The following GALNTL6 variants were observed in gnomAD, a reference collection of about 807,000 sequenced individuals.
The protein encoded by GALNTL6 is polypeptide N-acetylgalactosaminyltransferase-like 6.
GALNTL6 carries 46 observed loss-of-function variants against 73.7 expected under a neutral mutation model. That is an observed-to-expected ratio of 0.62 (90% CI 0.49 to 0.80). The LOEUF (loss-of-function observed/expected upper bound fraction) is 0.80, where lower values mean the gene tolerates loss of function less well. Among genes scored for constraint, GALNTL6 ranks in the 30% least tolerant of loss-of-function variants. GALNTL6 has a pLI of 0.00. For synonymous variants in GALNTL6, 259 were observed against 263.7 expected, an observed-to-expected ratio of 0.98 and a Z score of 0.17; for missense variants, 604 against 755.0, an observed-to-expected ratio of 0.80 and a Z score of 2.34.
At chr4:172,224,900 T>A (rs1736800226) in intron 2 of GALNTL6, among the ~76,000 whole-genome samples, 1 of 152,154 alleles carries the variant, frequency 6.6e-6, no homozygotes, top group African/African-American at 2.4e-5. Context: ...GGCTCTGGGA[T>A]CCCAGCCCTC....
At chr4:172,873,780 A>G (rs1745059005) in intron 7 of GALNTL6, among the ~76,000 whole-genome samples, 1 of 152,180 alleles carries the variant, frequency 6.6e-6, no homozygotes, top group Non-Finnish European at 1.5e-5. Flanking sequence ...TTTTTAAGAA[A>G]TTAAGGTCAT....
At chr4:171,996,528 A>C (rs935910920) in intron 2 of GALNTL6, among the ~76,000 whole-genome samples, 30 of 152,164 alleles carry the variant, frequency 2.0e-4, no homozygotes, top group African/African-American at 7.2e-4. Context: ...AATTAAAAGC[A>C]AGACTGTGCG....
rs149267256 is a variant in GALNTL6, at chr4:172,520,271, T to C, written c.553+171582T>C. On this transcript the variant is annotated intron_variant, in intron 5 of 12. Transcript: ENST00000506823. ...TCTATTGTTCATTATAGGGCTCTGC[T>C]GCATTCTTAGTAGCACTGTGTCTTA... Among the ~76,000 whole-genome samples the C allele has an allele frequency of 3.4e-3, 517 of 152,090 alleles. 1 individual carries two copies. Among genetic ancestry groups the C allele is most frequent in the Middle Eastern group, 6.8e-3 (2 of 294 alleles).
chr4:172,770,382 T>C (rs1294959931), intron 5 of GALNTL6, among the ~76,000 whole-genome samples: 1 of 152,076 alleles, frequency 6.6e-6, no homozygotes, highest in Non-Finnish European at 1.5e-5. Flanking sequence ...CTCTTATTCT[T>C]TTACTGTGAA....
chr4:171,835,568 G>C (rs529984082), intron 2 of GALNTL6, among the ~76,000 whole-genome samples: 18 of 152,068 alleles, frequency 1.2e-4, no homozygotes, highest in African/African-American at 4.3e-4. Context: ...AATATTTATA[G>C]TGGTCGAGAT....
chr4:172,829,855 T>C (rs999230616), intron 7 of GALNTL6, among the ~76,000 whole-genome samples: 1 of 152,178 alleles, frequency 6.6e-6, no homozygotes, highest in African/African-American at 2.4e-5. Context: ...CTAGAAGATA[T>C]GGATAATTTT....
chr4:172,207,947 A>G (rs897673198), intron 2 of GALNTL6, among the ~76,000 whole-genome samples: 3 of 152,262 alleles, frequency 2.0e-5, no homozygotes, highest in Middle Eastern at 6.8e-3. Flanking sequence ...CCTGTACTCC[A>G]TGTTTGTTAA....
chr4:172,295,932 A>G (rs905866041), intron 3 of GALNTL6, among the ~76,000 whole-genome samples: 3 of 152,084 alleles, frequency 2.0e-5, no homozygotes, highest in Admixed American at 6.6e-5. Context: ...TTTCTTTACT[A>G]TATACATATA....
intron 4 of GALNTL6, among the ~76,000 whole-genome samples, chr4:172,318,850 G>A (rs907506728): frequency 6.6e-6 from 1 of 152,020 alleles, no homozygotes; most frequent in Non-Finnish European, 1.5e-5. Context: ...AACTATGGCT[G>A]CTTCAAAATC....
At chr4:172,854,529 T>C (rs776721036) in intron 7 of GALNTL6, among the ~76,000 whole-genome samples, 49 of 152,146 alleles carry the variant, frequency 3.2e-4, no homozygotes, top group Non-Finnish European at 5.0e-4. Context: ...TGCTGTATGC[T>C]CTCCTGACAG....
chr4:172,538,517 C>A (rs1276271134), intron 5 of GALNTL6, among the ~76,000 whole-genome samples: 1 of 151,874 alleles, frequency 6.6e-6, no homozygotes. Context: ...TGAGAAGAGG[C>A]CACTTTCCCT....
intron 2 of GALNTL6, among the ~76,000 whole-genome samples, chr4:172,110,354 T>C (rs1429853416): frequency 6.6e-6 from 1 of 152,186 alleles, no homozygotes; most frequent in African/African-American, 2.4e-5. Context: ...GCCATCAGTA[T>C]AGCTATCATT....
chr4:172,062,446 G>C (rs969482361), intron 2 of GALNTL6, among the ~76,000 whole-genome samples: 9 of 152,056 alleles, frequency 5.9e-5, no homozygotes, highest in Non-Finnish European at 1.0e-4. Context: ...TAAGACTGCT[G>C]TTTCTTACTG....
intron 10 of GALNTL6, among the ~76,000 whole-genome samples, chr4:172,960,533 G>C (rs928169067): frequency 6.6e-6 from 1 of 152,118 alleles, no homozygotes; most frequent in Admixed American, 6.5e-5. Context: ...ACTCAGCGAC[G>C]CTTGGGGTTG....
chr4:172,379,878 T>G (rs1303409253), intron 5 of GALNTL6: 1 of 485,798 alleles, frequency 2.1e-6, no homozygotes, highest in Non-Finnish European at 3.8e-6. Context: ...AAACATAGAT[T>G]TGCTAATGTG....
rs79639885 is a variant in GALNTL6, at chr4:172,551,636, C to G, written c.553+202947C>G. On this transcript the variant is annotated intron_variant, in intron 5 of 12. Coordinates refer to ENST00000506823, the MANE Select transcript of GALNTL6 (RefSeq NM_001034845.3). ...CCATCTTTATCAATGTTTGTGGACA[C>G]TCCATAGGATACAGCAACAACCTCA... is the stretch of plus-strand genomic sequence containing the variant. Among the ~76,000 whole-genome samples, 268 of 152,220 alleles carry G rather than the reference C, an allele frequency of 1.8e-3. 1 individual carries two copies. The highest frequency in any genetic ancestry group is 5.7e-3 in the African/African-American group (235 of 41,552).
intron 5 of GALNTL6, among the ~76,000 whole-genome samples, chr4:172,644,746 G>C (rs895255139): frequency 4.6e-5 from 7 of 151,856 alleles, no homozygotes; most frequent in Non-Finnish European, 8.8e-5. Context: ...AACAAAAAGG[G>C]GGTGGGTGAT....
chr4:172,050,102 G>A (rs140551777), intron 2 of GALNTL6, among the ~76,000 whole-genome samples: 3 of 152,228 alleles, frequency 2.0e-5, no homozygotes, highest in Admixed American at 2.0e-4. Flanking sequence ...CTGGCAGGCT[G>A]GACTTTAGTA....
At chr4:172,006,993 A>C (rs1476910085) in intron 2 of GALNTL6, among the ~76,000 whole-genome samples, 2 of 152,198 alleles carry the variant, frequency 1.3e-5, no homozygotes, top group Non-Finnish European at 2.9e-5. Flanking sequence ...TATGTAAAGC[A>C]ACAAAATTCT....
Sources: gnomAD v4.1 joint callset for allele counts (sites outside exome capture counted in the v4.1 genomes callset) on GRCh38, gnomAD v4.1.1 for gene constraint, MANE v1.5 for transcripts, NCBI Gene and HGNC (gene_info 2026-07-23, HGNC 2026-07-21) for gene names.